The following TLN2 variants were observed in gnomAD, a reference collection of about 807,000 sequenced individuals.
The protein encoded by TLN2 is talin-2.
A neutral mutation model predicts 294.7 loss-of-function variants in TLN2; 118 were observed. The observed-to-expected ratio is 0.40, with a 90% CI of 0.34 to 0.47. The LOEUF (loss-of-function observed/expected upper bound fraction) is 0.47, where lower values mean the gene tolerates loss of function less well. TLN2 is among the 20% of genes least tolerant of loss of function. TLN2 has a pLI of 0.84. For synonymous variants in TLN2, 1,431 were observed against 1,304.5 expected (o/e 1.10, Z -2.09); for missense variants, 3,083 against 3,282.2 (o/e 0.94, Z 1.48).
At chr15:62,706,634 A>G (rs1310809597) in intron 19 of TLN2, among the ~76,000 whole-genome samples, 1 of 152,244 alleles carries the variant, frequency 6.6e-6, no homozygotes, top group Non-Finnish European at 1.5e-5. Flanking sequence ...GTAGAAATCC[A>G]AAAGATACAT....
chr15:62,584,193 G>A (rs1363099151), intron 1 of TLN2, among the ~76,000 whole-genome samples: 1 of 152,210 alleles, frequency 6.6e-6, no homozygotes, highest in Non-Finnish European at 1.5e-5. Flanking sequence ...AAGGAACTCT[G>A]TGCACACATA....
chr15:62,700,587 A>G (rs1796238519), intron 16 of TLN2, among the ~76,000 whole-genome samples: 1 of 152,176 alleles, frequency 6.6e-6, no homozygotes, highest in Admixed American at 6.5e-5. Context: ...CTTACCAGGA[A>G]AGGTCTTACC....
At chr15:62,737,154 C>G in intron 29 of TLN2, 68 bp downstream of exon 29, 2 of 1,535,906 alleles carry the variant, frequency 1.3e-6, no homozygotes, top group Non-Finnish European at 1.8e-6. Context: ...GTCGGGCTGT[C>G]TCCTGGGCAC....
At chr15:62,687,742 A>G (rs984911308) in intron 12 of TLN2, 4 of 152,210 alleles carry the variant, frequency 2.6e-5, no homozygotes, top group African/African-American at 9.6e-5. Context: ...GGGGCCATGG[A>G]AAGAGTCATT....
rs184037129 is a variant in TLN2, at chr15:62,689,441, T to C, written c.1113+2645T>C. 1.8e-3 allele frequency among the ~76,000 whole-genome samples: 270 copies of C among 152,332 alleles called. 1 individual carries two copies. Among genetic ancestry groups the C allele is most frequent in the Non-Finnish European group, 2.7e-3 (184 of 68,030 alleles). On this transcript the variant is annotated intron_variant, in intron 12 of 58. Transcript: ENST00000636159. ...GAAACTCATGAGGTGAAGAACCGTC[T>C]ATTACACTTCCCTTTATTTTTATCT...
intron 1 of TLN2, among the ~76,000 whole-genome samples, chr15:62,529,093 GC>G (rs767320951): frequency 2.0e-5 from 3 of 149,430 alleles, no homozygotes; most frequent in Non-Finnish European, 3.0e-5. Flanking sequence ...CATTTACAGG[GC>G]TTTTTTTTTT....
At chr15:62,826,912 ACCTT>A (rs1239876454) in intron 54 of TLN2, among the ~76,000 whole-genome samples, 2 of 152,116 alleles carry the variant, frequency 1.3e-5, no homozygotes, top group Non-Finnish European at 2.9e-5. Flanking sequence ...ATGCACTATG[ACCTT>A]ATTTTTAGTA....
chr15:62,580,125 T>G (rs2044798086), intron 1 of TLN2, among the ~76,000 whole-genome samples: 1 of 152,194 alleles, frequency 6.6e-6, no homozygotes, highest in African/African-American at 2.4e-5. Context: ...AGTGCCTGGG[T>G]GGCATCTGCA....
intron 26 of TLN2, among the ~76,000 whole-genome samples, chr15:62,723,302 T>C (rs936638338): frequency 3.9e-5 from 6 of 152,224 alleles, no homozygotes; most frequent in Non-Finnish European, 7.3e-5. Context: ...CTCGTGGTAC[T>C]GTCTACACTG....
chr15:62,561,824 C>G (rs1019056046), intron 1 of TLN2, among the ~76,000 whole-genome samples: 1 of 152,156 alleles, frequency 6.6e-6, no homozygotes, highest in African/African-American at 2.4e-5. Flanking sequence ...CTTCCTCTTG[C>G]AGTATCCTGC....
rs765928866 is a variant in TLN2, at chr15:62,800,513, G to C, written c.6360+20G>C. Reference sequence around the variant, plus strand: ...GCCAAGGTAGAGTGGGGCTCCGACTGGGGATGAGCACCTGAGTTCTCTTCT... The same window carrying C: ...GCCAAGGTAGAGTGGGGCTCCGACTCGGGATGAGCACCTGAGTTCTCTTCT... On this transcript the variant is annotated intron_variant, in intron 49 of 58. Transcript: ENST00000636159. 1.9e-6 allele frequency: 3 copies of C among 1,613,246 alleles called. No homozygotes were observed. The East Asian group carries it at 6.7e-5, about 36-fold the overall frequency.
intron 3 of TLN2, among the ~76,000 whole-genome samples, chr15:62,628,504 G>T (rs1415880293): frequency 1.3e-5 from 2 of 152,218 alleles, no homozygotes; most frequent in African/African-American, 4.8e-5. Flanking sequence ...ATGAATTACA[G>T]TAGAGATTAT....
At chr15:62,478,592 C>T (rs528369398) in intron 1 of TLN2, among the ~76,000 whole-genome samples, 15 of 152,120 alleles carry the variant, frequency 9.9e-5, no homozygotes, top group African/African-American at 2.4e-4. Flanking sequence ...CAGGGGGACT[C>T]GATTGTTTCT....
intron 13 of TLN2, among the ~76,000 whole-genome samples, chr15:62,694,110 G>C (rs2058147041): frequency 6.6e-6 from 1 of 151,760 alleles, no homozygotes; most frequent in African/African-American, 2.4e-5. Flanking sequence ...TGGGATTACA[G>C]GCTCCTGTCA....
In TLN2 at chr15:62,657,807, T is replaced by G; in HGVS notation, c.697T>G (p.Ser233Ala). ...DDILNGSHPV[S>A]FEKACEFGGF... The stretch of plus-strand genomic sequence containing the variant: ...CATCCTGAATGGCTCTCACCCTGTC[T>G]CCTTCGAGAAAGCTTGTGAGTTTGG... The change falls in exon 9 of 59, where the codon TCC (serine) becomes GCC (alanine). Residue 233 changes from serine (S) to alanine (A), a missense_variant. Ser to Ala is a moderately conservative substitution (Grantham distance 99, BLOSUM62 1). Coordinates refer to ENST00000636159, the MANE Select transcript of TLN2 (RefSeq NM_015059.3). 1 of 1,613,994 alleles carries G rather than the reference T, an allele frequency of 6.2e-7. No homozygotes were observed.
intron 1 of TLN2, among the ~76,000 whole-genome samples, chr15:62,412,595 A>G (rs1325458410): frequency 6.6e-6 from 1 of 152,230 alleles, no homozygotes; most frequent in Non-Finnish European, 1.5e-5. Flanking sequence ...CTGGGTAAAG[A>G]CTTACATTCA....
intron 34 of TLN2, among the ~76,000 whole-genome samples, chr15:62,751,350 G>C (rs983874581): frequency 2.0e-5 from 3 of 152,204 alleles, no homozygotes; most frequent in Non-Finnish European, 2.9e-5. Context: ...GACTCTGTTT[G>C]ATTTGGGCTA....
chr15:62,840,656 A>C lies in TLN2; in HGVS notation c.*46A>C. ...AGCCCCAGGGGATGGCCCTGGCTGA[A>C]CTGGACAGACAGTGTTCCTGAGAGG... On this transcript the variant is annotated 3_prime_UTR_variant, in exon 59 of 59. Transcript: ENST00000636159. 1 of 1,597,856 alleles carries C rather than the reference A, an allele frequency of 6.3e-7. No homozygotes were observed. Among genetic ancestry groups the C allele is most frequent in the Non-Finnish European group, 8.5e-7 (1 of 1,172,606 alleles).
chr15:62,587,011 A>G (rs1171597166), intron 1 of TLN2, among the ~76,000 whole-genome samples: 4 of 152,242 alleles, frequency 2.6e-5, no homozygotes, highest in African/African-American at 7.2e-5. Flanking sequence ...ATGGGATTCC[A>G]TTGGTCACAG....
Sources: allele counts gnomAD v4.1 joint callset (sites outside exome capture counted in the v4.1 genomes callset), GRCh38; gene constraint gnomAD v4.1.1; transcripts MANE v1.5; gene names NCBI Gene and HGNC (gene_info 2026-07-23, HGNC 2026-07-21).